The following NAV2 variants were observed in gnomAD, a reference collection of about 807,000 sequenced individuals.
NAV2 encodes neuron navigator 2.
NAV2 carries 54 observed loss-of-function variants against 223.2 expected under a neutral mutation model. That is an observed-to-expected ratio of 0.24 (90% CI 0.19 to 0.30). NAV2 has a LOEUF of 0.30. Among genes scored for constraint, NAV2 ranks in the 10% least tolerant of loss-of-function variants. The pLI is 1.00. For missense variants in NAV2, 2,806 were observed against 3,147.5 expected (o/e 0.89, Z 2.60); for synonymous variants, 1,279 against 1,239.3 (o/e 1.03, Z -0.67).
chr11:20,036,224 C>T (rs568589042), intron 12 of NAV2, 127 bp downstream of exon 12: 36 of 1,077,144 alleles, frequency 3.3e-5, no homozygotes, highest in Admixed American at 1.8e-4. Context: ...GGCCCAGCCT[C>T]CTGCCGCCTC....
chr11:20,084,991 C>T (rs1302325644), intron 26 of NAV2, among the ~76,000 whole-genome samples: 1 of 151,974 alleles, frequency 6.6e-6, no homozygotes, highest in Non-Finnish European at 1.5e-5. Flanking sequence ...GAGCTGGCAA[C>T]CAGCCTGGTC....
intron 1 of NAV2, among the ~76,000 whole-genome samples, chr11:19,817,671 G>C (rs541771859): frequency 1.3e-5 from 2 of 152,324 alleles, no homozygotes; most frequent in South Asian, 4.1e-4. Context: ...CAGTCCTTGA[G>C]CAGGTGCTCT....
intron 1 of NAV2, among the ~76,000 whole-genome samples, chr11:19,384,432 C>A (rs1457442212): frequency 6.6e-6 from 1 of 152,200 alleles, no homozygotes; most frequent in East Asian, 1.9e-4. Context: ...TTGACTTGGA[C>A]AGTGTGAGAA....
At chr11:20,110,665 G>A (rs1485439554) in intron 36 of NAV2, among the ~76,000 whole-genome samples, 2 of 152,148 alleles carry the variant, frequency 1.3e-5, no homozygotes, top group Non-Finnish European at 2.9e-5. Context: ...GTGGCTTGGG[G>A]AACCAAATAC....
rs1565089826 is a variant in NAV2, at chr11:20,106,210, T to TATATATAC, written c.6841+490_6841+491insCATATATA. 7.2e-5 allele frequency among the ~76,000 whole-genome samples: 7 copies of TATATATAC among 97,074 alleles called. No homozygotes were observed. The East Asian group carries it at 2.3e-3, about 33-fold the overall frequency. 63.7% of individuals were successfully genotyped at this position (97,074 alleles called of 152,430 possible). A position where few individuals can be genotyped will look rare whatever the true frequency, so the allele number is the denominator to read the frequency against. The stretch of plus-strand genomic sequence containing the variant: ...ATATATATATATATATATATATATA[T>TATATATAC]ATATATATATATATATATATGCTTT... On this transcript the variant is annotated intron_variant, in intron 35 of 37. Transcript: ENST00000349880.
At chr11:19,908,282 G>A (rs1253625583) in intron 6 of NAV2, among the ~76,000 whole-genome samples, 2 of 152,176 alleles carry the variant, frequency 1.3e-5, no homozygotes, top group Non-Finnish European at 2.9e-5. Context: ...GTCCAGGGTG[G>A]GTGTGGGAGC....
At position 19,632,891 on chromosome 11, in the gene NAV2, T is replaced by G. The variant is rs953747656; in HGVS notation, c.76-199593T>G. 3.3e-5 allele frequency among the ~76,000 whole-genome samples: 5 copies of G among 152,218 alleles called. No homozygotes were observed. In the South Asian group the frequency reaches 1.0e-3, roughly 32 times the overall value. On this transcript the variant is annotated intron_variant, in intron 1 of 37. Coordinates refer to the NAV2 transcript ENST00000360655. Reference sequence around the variant, plus strand: ...ACCCACATGCATTTTATCCAAACCCTTTAAGAAGATGTTATTAGTCCCACT... The same window carrying G: ...ACCCACATGCATTTTATCCAAACCCGTTAAGAAGATGTTATTAGTCCCACT...
chr11:20,067,481 C>G (rs1357632562), intron 20 of NAV2, among the ~76,000 whole-genome samples: 1 of 151,414 alleles, frequency 6.6e-6, no homozygotes, highest in African/African-American at 2.4e-5. Context: ...CATATTAGAC[C>G]CTTTATTTTA....
intron 1 of NAV2, among the ~76,000 whole-genome samples, chr11:19,742,151 CTG>C: frequency 6.6e-6 from 1 of 152,266 alleles, no homozygotes; most frequent in East Asian, 1.9e-4. Context: ...TTCACCCCTC[CTG>C]AGCCCCTTAT....
intron 1 of NAV2, among the ~76,000 whole-genome samples, chr11:19,685,930 C>A (rs571972329): frequency 6.6e-6 from 1 of 152,270 alleles, no homozygotes; most frequent in South Asian, 2.1e-4. Context: ...CAAATCTCAT[C>A]ATGTGACTTT....
At chr11:19,847,313 T>C (rs1331178477) in intron 3 of NAV2, among the ~76,000 whole-genome samples, 1 of 152,212 alleles carries the variant, frequency 6.6e-6, no homozygotes, top group African/African-American at 2.4e-5. Context: ...CTGTCTGTTG[T>C]TGATTAGGAG....
chr11:19,885,234 T>A (rs1477203223), intron 5 of NAV2, among the ~76,000 whole-genome samples: 2 of 152,194 alleles, frequency 1.3e-5, no homozygotes, highest in African/African-American at 4.8e-5. Context: ...ATTTAGGAAG[T>A]TACATCATTG....
intron 1 of NAV2, among the ~76,000 whole-genome samples, chr11:19,733,942 A>G (rs1387867074): frequency 6.6e-6 from 1 of 152,216 alleles, no homozygotes; most frequent in Non-Finnish European, 1.5e-5. Flanking sequence ...TTTTACAAGC[A>G]TGAACTTGTT....
chr11:20,045,378 G>C lies in NAV2; in HGVS notation c.3610G>C (p.Gly1204Arg). ...PRPSKSNSRN[G>R]AGNRSSTSSI... ...GCCCAGTAAGTCCAACAGCCGGAAC[G>C]GGGCTGGGAACAGGTCTAGCACCAG... Residue 1204 changes from glycine (G) to arginine (R), a missense_variant, in exon 14 of 38, where the codon GGG (glycine) becomes CGG (arginine). Transcript: ENST00000349880. 1 of 1,614,132 alleles carries C rather than the reference G, an allele frequency of 6.2e-7. No individual in the cohort carries two copies. The highest frequency in any genetic ancestry group is 1.7e-5 in the Admixed American group (1 of 60,008).
At chr11:19,601,402 G>A (rs1171419627) in intron 1 of NAV2, among the ~76,000 whole-genome samples, 3 of 152,080 alleles carry the variant, frequency 2.0e-5, no homozygotes, top group Non-Finnish European at 2.9e-5. Context: ...CTCCCCTCCT[G>A]GACTCAGAGC....
intron 36 of NAV2, among the ~76,000 whole-genome samples, chr11:20,111,415 C>T (rs2062629246): frequency 1.3e-5 from 2 of 152,190 alleles, no homozygotes; most frequent in African/African-American, 4.8e-5. Context: ...TATGATGTTT[C>T]CTTTGCTTAC....
chr11:19,760,705 G>C (rs2054666247), intron 1 of NAV2, among the ~76,000 whole-genome samples: 1 of 152,148 alleles, frequency 6.6e-6, no homozygotes, highest in South Asian at 2.1e-4. Flanking sequence ...TTCTGAGAAG[G>C]AATTTAGCTA....
intron 1 of NAV2, among the ~76,000 whole-genome samples, chr11:19,657,961 A>G (rs1352704646): frequency 6.6e-6 from 1 of 152,184 alleles, no homozygotes; most frequent in Non-Finnish European, 1.5e-5. Flanking sequence ...GGTATTATTA[A>G]CAATAATAAT....
chr11:19,875,443 A>G (rs1417752426), intron 4 of NAV2, among the ~76,000 whole-genome samples: 1 of 152,242 alleles, frequency 6.6e-6, no homozygotes, highest in East Asian at 1.9e-4. Flanking sequence ...GAATGGCTGT[A>G]TGGGTACTTG....
Sources: gnomAD v4.1 joint callset for allele counts (sites outside exome capture counted in the v4.1 genomes callset) on GRCh38, gnomAD v4.1.1 for gene constraint, MANE v1.5 for transcripts, NCBI Gene and HGNC (gene_info 2026-07-23, HGNC 2026-07-21) for gene names.